GAK: variants seen among roughly 807,000 people sequenced by gnomAD.
GAK encodes cyclin G associated kinase, also known as cyclin-G-associated kinase.
Under a neutral mutation model 143.9 loss-of-function variants are expected in GAK, and 79 were observed. The ratio of observed to expected loss-of-function variants is 0.55; its 90% CI spans 0.46 to 0.66. The LOEUF (loss-of-function observed/expected upper bound fraction) is 0.66. GAK is among the 30% of genes least tolerant of loss of function. The pLI, the probability that GAK is intolerant of heterozygous loss-of-function variation, is 0.00. For missense variants in GAK, 1,693 were observed against 1,779.7 expected, an observed-to-expected ratio of 0.95 and a Z score of 0.88; for synonymous variants, 881 against 765.5, an observed-to-expected ratio of 1.15 and a Z score of -2.49.
At chr4:893,728 C>G (rs549756956) in intron 8 of GAK, 146 bp downstream of exon 8, 11 of 1,018,152 alleles carry the variant, frequency 1.1e-5, no homozygotes, top group Admixed American at 1.0e-4. Flanking sequence ...TCTGGAAACC[C>G]CCCCCCCAGG....
At position 865,114 on chromosome 4, in the gene GAK, G is replaced by A; in HGVS notation, c.3166+8C>T. 6.2e-7 allele frequency: 1 copy of A among 1,607,452 alleles called. No homozygotes were observed. Among genetic ancestry groups the A allele is most frequent in the Non-Finnish European group, 8.5e-7 (1 of 1,176,792 alleles). On this transcript the variant is annotated splice_region_variant and intron_variant, in intron 23 of 27. Coordinates refer to ENST00000314167, the MANE Select transcript of GAK (RefSeq NM_005255.4). Reference sequence around the variant, plus strand: ...GGGAGCCCTGTCCTTGGTGGGTGGTGGCCATACCTTCTGTGGCTGGCGTGG... The same window carrying A: ...GGGAGCCCTGTCCTTGGTGGGTGGTAGCCATACCTTCTGTGGCTGGCGTGG...
intron 18 of GAK, 32 bp from the exon 19 acceptor site, chr4:870,936 G>C: frequency 6.4e-7 from 1 of 1,568,536 alleles, no homozygotes; most frequent in Non-Finnish European, 8.7e-7. Flanking sequence ...ACTTAGGAAG[G>C]CCACCCAAGT....
At chr4:913,574 G>C (rs373290132) in intron 2 of GAK, 33 bp downstream of exon 2, 30 of 1,554,744 alleles carry the variant, frequency 1.9e-5, no homozygotes, top group Middle Eastern at 3.4e-4. Context: ...ACATACGTCA[G>C]AAATCCAGAG....
chr4:865,133 G>A lies in GAK; in HGVS notation c.3155C>T (p.Pro1052Leu), dbSNP rs1269185239. ...ETAASAVAPT[P>L]ATEGPLFSPG... The stretch of plus-strand genomic sequence containing the variant: ...GGTGGTGGCCATACCTTCTGTGGCT[G>A]GCGTGGGGGCCACTGCCGATGCTGC... The change falls in exon 23 of 28, where the codon CCA becomes CTA. Residue 1052 changes from proline to leucine, a missense_variant. Pro to Leu is a moderately conservative substitution (Grantham distance 98, BLOSUM62 -3). Transcript: ENST00000314167. The A allele has an allele frequency of 1.2e-6, 2 of 1,609,094 alleles. No homozygotes were observed. The highest frequency in any genetic ancestry group is 1.3e-5 in the African/African-American group (1 of 74,874).
At chr4:896,417 C>T (rs777506256) in intron 7 of GAK, 43 bp downstream of exon 7, 18 of 1,536,766 alleles carry the variant, frequency 1.2e-5, no homozygotes, top group South Asian at 3.4e-5. Flanking sequence ...TTAAGTAGGG[C>T]GCACGGAGCC....
At chr4:898,004 T>TC in intron 6 of GAK, 29 bp downstream of exon 6, 11 of 1,594,540 alleles carry the variant, frequency 6.9e-6, no homozygotes, top group African/African-American at 1.3e-5. Context: ...AGGGCCAGCT[T>TC]CCCCCAGCAT....
intron 23 of GAK, among the ~76,000 whole-genome samples, chr4:864,457 G>A (rs959054366): frequency 4.6e-5 from 7 of 152,304 alleles, no homozygotes; most frequent in African/African-American, 1.7e-4. Flanking sequence ...AGGGGTGTTC[G>A]CTTTGACTGT....
At chr4:894,989 A>G (rs987726077) in intron 7 of GAK, among the ~76,000 whole-genome samples, 9 of 86,918 alleles carry the variant, frequency 1.0e-4, no homozygotes, top group African/African-American at 3.4e-4. Flanking sequence ...AAATAAATAA[A>G]TAAATAAATA....
intron 11 of GAK, chr4:888,548 A>C: frequency 2.7e-5 from 10 of 365,370 alleles, no homozygotes; most frequent in Admixed American, 4.4e-5. Context: ...AGTCCCGGGA[A>C]CAAGCCAGGA....
chr4:925,402 G>A (rs933047010), intron 1 of GAK, among the ~76,000 whole-genome samples: 1 of 152,188 alleles, frequency 6.6e-6, no homozygotes, highest in Non-Finnish European at 1.5e-5. Context: ...CTGGGGACGG[G>A]ACAGAGTGCC....
intron 4 of GAK, 29 bp from the exon 5 acceptor site, chr4:904,808 CAGG>C (rs771371287): frequency 1.1e-5 from 18 of 1,609,204 alleles, no homozygotes; most frequent in Non-Finnish European, 1.4e-5. Context: ...CACATGGAGG[CAGG>C]AGAACAGGGT....
Position 882,665 on chromosome 4 carries a change from A to C in GAK, c.1527+32T>G, listed in dbSNP as rs376041240. Reference sequence around the variant, plus strand: ...GCATGAAATAATGAACTTTGACAGAAGACGGCGCCAGCCCACGGCCCTCGA... The same window carrying C: ...GCATGAAATAATGAACTTTGACAGACGACGGCGCCAGCCCACGGCCCTCGA... On this transcript the variant is annotated intron_variant, in intron 14 of 27. Coordinates refer to ENST00000314167, the MANE Select transcript of GAK (RefSeq NM_005255.4). 1.0e-5 allele frequency: 16 copies of C among 1,604,948 alleles called. No individual in the cohort carries two copies. In the African/African-American group the frequency reaches 2.1e-4, roughly 21 times the overall value.
At chr4:888,467 G>A (rs1716981756) in intron 11 of GAK, 1 of 211,024 alleles carries the variant, frequency 4.7e-6, no homozygotes, top group Non-Finnish European at 9.5e-6. Flanking sequence ...GTCTAAGTCT[G>A]AGTAACTAGG....
chr4:858,746 A>T (rs1288805893), intron 24 of GAK, among the ~76,000 whole-genome samples: 1 of 152,190 alleles, frequency 6.6e-6, no homozygotes, highest in African/African-American at 2.4e-5. Flanking sequence ...GGAGAGAGTG[A>T]GGACTCGAAG....
At chr4:874,385 C>T (rs1713381653) in intron 18 of GAK, among the ~76,000 whole-genome samples, 1 of 152,194 alleles carries the variant, frequency 6.6e-6, no homozygotes, top group African/African-American at 2.4e-5. Flanking sequence ...TGGATACTTG[C>T]TGAAATGGAG....
At chr4:880,004 A>AC (rs1714764352) in intron 15 of GAK, among the ~76,000 whole-genome samples, 1 of 151,368 alleles carries the variant, frequency 6.6e-6, no homozygotes, top group African/African-American at 2.4e-5. Flanking sequence ...TGGACCGCGC[A>AC]CCTGCCTGAG....
At chr4:883,723 G>C (rs1715645620) in intron 12 of GAK, among the ~76,000 whole-genome samples, 2 of 152,264 alleles carry the variant, frequency 1.3e-5, no homozygotes, top group African/African-American at 4.8e-5. Flanking sequence ...CCTGTCTCCA[G>C]GTGTCGGGAT....
chr4:868,593 G>A lies in GAK; in HGVS notation c.2341C>T (p.Pro781Ser). Residue 781 changes from proline (P) to serine (S), a missense_variant, in exon 20 of 28, where the codon CCG (proline) becomes TCG (serine). Physicochemically the swap from Pro to Ser is moderately conservative, Grantham distance 74. Transcript: ENST00000314167. ...CTGGCGTCCGCGCTGCTGCTTGGCG[G>A]TGAGTCAGAGTCTGTGGGTTCGGCT... Reference protein sequence around the residue: ...PEAEPTDSDSPPSSSADASRF... With the variant: ...PEAEPTDSDSSPSSSADASRF... 3 of 1,602,982 alleles carry A rather than the reference G, an allele frequency of 1.9e-6. No homozygotes were observed. Among genetic ancestry groups the A allele is most frequent in the Middle Eastern group, 1.7e-4 (1 of 6,024 alleles).
At chr4:865,499 C>A (rs1751016826) in intron 22 of GAK, among the ~76,000 whole-genome samples, 2 of 152,192 alleles carry the variant, frequency 1.3e-5, no homozygotes. Context: ...AGCATCTGCG[C>A]ATTCCCATCC....
Sources: gnomAD v4.1 joint callset for allele counts (sites outside exome capture counted in the v4.1 genomes callset) on GRCh38, gnomAD v4.1.1 for gene constraint, MANE v1.5 for transcripts, NCBI Gene and HGNC (gene_info 2026-07-23, HGNC 2026-07-21) for gene names.